Variants in LYRM4 observed in about 807,000 individuals in gnomAD.
LYRM4 encodes the protein LYR motif containing 4, also known as LYR motif-containing protein 4.
LYRM4 carries 9 observed loss-of-function variants against 11.7 expected under a neutral mutation model. That is an observed-to-expected ratio of 0.77 (90% CI 0.46 to 1.34). LYRM4 has a LOEUF of 1.34. LYRM4 is among the 40% of genes most tolerant of loss of function. The pLI is 0.00. For synonymous variants in LYRM4, 42 were observed against 40.4 expected, an observed-to-expected ratio of 1.04 and a Z score of -0.15; for missense variants, 133 against 112.5, an observed-to-expected ratio of 1.18 and a Z score of -0.82.
At chr6:5,251,934 T>C (rs968447540) in intron 1 of LYRM4, among the ~76,000 whole-genome samples, 1 of 152,198 alleles carries the variant, frequency 6.6e-6, no homozygotes, top group African/African-American at 2.4e-5. Context: ...ACTGGTAATA[T>C]ATTAAAGAGT....
chr6:5,100,253 G>GTA (rs1762458256), downstream of LYRM4, among the ~76,000 whole-genome samples: 1 of 152,184 alleles, frequency 6.6e-6, no homozygotes, highest in Admixed American at 6.5e-5. Context: ...CATGGATGCT[G>GTA]GGTTCTTGCC....
chr6:5,073,587 T>A, the LYRM4 span, among the ~76,000 whole-genome samples: 1 of 148,272 alleles, frequency 6.7e-6, no homozygotes, highest in Non-Finnish European at 1.5e-5. Context: ...AGTATATATA[T>A]TTTATATATA....
chr6:5,186,765 C>T (rs892154829), intron 2 of LYRM4: 1 of 758,236 alleles, frequency 1.3e-6, no homozygotes, highest in East Asian at 1.2e-4. Flanking sequence ...AGGTGGATCA[C>T]TTGAGGTCAG....
At chr6:5,223,416 G>GT (rs1421472609) in intron 1 of LYRM4, among the ~76,000 whole-genome samples, 1 of 152,126 alleles carries the variant, frequency 6.6e-6, no homozygotes, top group Non-Finnish European at 1.5e-5. Flanking sequence ...CGCATGTCTC[G>GT]TAAGTGGCAG....
intron 1 of LYRM4, among the ~76,000 whole-genome samples, chr6:5,249,575 T>G (rs538614377): frequency 6.6e-6 from 1 of 152,172 alleles, no homozygotes; most frequent in Non-Finnish European, 1.5e-5. Flanking sequence ...TGAGAACCTA[T>G]GAAACCACAC....
the LYRM4 span, among the ~76,000 whole-genome samples, chr6:5,071,388 G>T: frequency 6.6e-6 from 1 of 151,872 alleles, no homozygotes. Context: ...CCAAGGGCTG[G>T]CTCCTCAGGA....
At position 5,183,410 on chromosome 6, in the gene LYRM4, G is replaced by C. The variant is rs554250602; in HGVS notation, c.207+33208C>G. 5.3e-5 allele frequency among the ~76,000 whole-genome samples: 8 copies of C among 152,216 alleles called. No homozygotes were observed. In the South Asian group the frequency reaches 1.7e-3, roughly 32 times the overall value. ...AGTCAGTGAAAACAGGTTATAGCATGTAGCATATAAGCAATGCATTAAATG... is the reference window on the plus strand; with the variant it reads ...AGTCAGTGAAAACAGGTTATAGCATCTAGCATATAAGCAATGCATTAAATG... On this transcript the variant is annotated intron_variant, in intron 2 of 2. Transcript: ENST00000330636.
the LYRM4 span, among the ~76,000 whole-genome samples, chr6:5,098,005 T>C: frequency 1.3e-5 from 2 of 152,296 alleles, no homozygotes; most frequent in African/African-American, 4.8e-5. Flanking sequence ...AAATTCTTTT[T>C]AGAGATAGGA....
At chr6:5,210,743 C>A (rs1300103377) in intron 2 of LYRM4, among the ~76,000 whole-genome samples, 1 of 152,150 alleles carries the variant, frequency 6.6e-6, no homozygotes, top group African/African-American at 2.4e-5. Context: ...ACTTTAGACA[C>A]CTCATATAAA....
intron 2 of LYRM4, among the ~76,000 whole-genome samples, chr6:5,132,553 T>C (rs1764005009): frequency 6.6e-6 from 1 of 152,008 alleles, no homozygotes; most frequent in African/African-American, 2.4e-5. Flanking sequence ...AGGCTGAGAG[T>C]GAAAGTGGGA....
intron 2 of LYRM4, chr6:5,136,489 A>G (rs1377643072): frequency 3.2e-6 from 3 of 947,790 alleles, no homozygotes; most frequent in Admixed American, 6.2e-5. Context: ...CTTGGGTTTC[A>G]CCTAACCCTG....
the LYRM4 span, among the ~76,000 whole-genome samples, chr6:5,080,877 G>A: frequency 6.6e-6 from 1 of 152,124 alleles, no homozygotes; most frequent in Non-Finnish European, 1.5e-5. Context: ...GTGATCAGAT[G>A]ATCCCAGCCC....
the LYRM4 span, among the ~76,000 whole-genome samples, chr6:5,074,358 G>A: frequency 6.7e-6 from 1 of 149,404 alleles, no homozygotes; most frequent in Non-Finnish European, 1.5e-5. Flanking sequence ...CCTCTGACTG[G>A]CTAATTTTGA....
chr6:5,170,358 T>A (rs1184897562), intron 2 of LYRM4, among the ~76,000 whole-genome samples: 1 of 151,590 alleles, frequency 6.6e-6, no homozygotes, highest in Non-Finnish European at 1.5e-5. Context: ...GAATTGTGTG[T>A]GTATGTGCAC....
At chr6:5,080,562 G>C in the LYRM4 span, among the ~76,000 whole-genome samples, 1 of 152,162 alleles carries the variant, frequency 6.6e-6, no homozygotes, top group African/African-American at 2.4e-5. Flanking sequence ...TTGGTGTCGA[G>C]CATCCGAACC....
At chr6:5,093,242 C>G in the LYRM4 span, among the ~76,000 whole-genome samples, 1 of 152,218 alleles carries the variant, frequency 6.6e-6, no homozygotes, top group Admixed American at 6.5e-5. Context: ...CCCTGGAAGA[C>G]TGCTTTTTGT....
At chr6:5,086,865 C>T in the LYRM4 span, 2 of 420,564 alleles carry the variant, frequency 4.8e-6, no homozygotes, top group Non-Finnish European at 8.4e-6. Flanking sequence ...CTTCCAAGGC[C>T]CGGAGCAGCT....
chr6:5,106,831 CAA>C (rs1762677724), downstream of LYRM4: 1 of 152,276 alleles, frequency 6.6e-6, no homozygotes, highest in African/African-American at 2.4e-5. Flanking sequence ...ATCCTATCTT[CAA>C]AGCAGGCACA....
chr6:5,070,734 G>A, the LYRM4 span, among the ~76,000 whole-genome samples: 1 of 151,878 alleles, frequency 6.6e-6, no homozygotes, highest in Admixed American at 6.6e-5. Context: ...GAAATTACCT[G>A]GGCATGGTGG....
Sources: allele counts gnomAD v4.1 joint callset (sites outside exome capture counted in the v4.1 genomes callset), GRCh38; gene constraint gnomAD v4.1.1; transcripts MANE v1.5; gene names NCBI Gene and HGNC (gene_info 2026-07-23, HGNC 2026-07-21).